Variants in H2BC5 observed in about 807,000 individuals in gnomAD.
H2BC5 encodes histone H2B type 1-D.
In H2BC5, 9 loss-of-function variants were observed where a neutral mutation model predicts 5.7. That is an observed-to-expected ratio of 1.57 (90% confidence interval 0.95 to 2.74). H2BC5 has a LOEUF of 2.74. Ranked by LOEUF, H2BC5 falls within the 30% of genes most tolerant of loss-of-function variation. H2BC5 has a pLI of 0.00. For synonymous variants in H2BC5, 133 were observed against 70.9 expected (o/e 1.88, Z -4.40); for missense variants, 175 against 168.8 (o/e 1.04, Z -0.20).
intron 1 of H2BC5, among the ~76,000 whole-genome samples, chr6:26,165,523 C>T (rs1226075886): frequency 1.3e-5 from 2 of 152,064 alleles, no homozygotes; most frequent in East Asian, 1.9e-4. Flanking sequence ...CCATGAAACC[C>T]CAAGGCCAAG....
downstream of H2BC5, chr6:26,163,387 A>G (rs1561969713): frequency 6.6e-6 from 1 of 152,138 alleles, no homozygotes; most frequent in African/African-American, 2.4e-5. Context: ...TATGTTATCT[A>G]TTGCCGTGTA....
At chr6:26,159,763 G>T (rs1020342603), downstream of H2BC5, among the ~76,000 whole-genome samples, 1 of 152,176 alleles carries the variant, frequency 6.6e-6, no homozygotes, top group Admixed American at 6.5e-5. Context: ...AACACGAAAT[G>T]ATGGATTATG....
At chr6:26,159,246 T>TTG, downstream of H2BC5, among the ~76,000 whole-genome samples, 1 of 97,020 alleles carries the variant, frequency 1.0e-5, no homozygotes. Context: ...TTTATAGGTT[T>TTG]TTTTTTTTTT....
At chr6:26,162,790 T>C (rs1272417261), downstream of H2BC5, among the ~76,000 whole-genome samples, 1 of 152,170 alleles carries the variant, frequency 6.6e-6, no homozygotes, top group Non-Finnish European at 1.5e-5. Context: ...CTGCCCACCA[T>C]GGGGTCCCAA....
downstream of H2BC5, chr6:26,158,788 T>C (rs535634943): frequency 4.6e-6 from 3 of 649,404 alleles, no homozygotes; most frequent in Non-Finnish European, 7.9e-6. Flanking sequence ...GTTAGCTCAT[T>C]TAGTATCACA....
At chr6:26,162,141 C>T (rs1486588816), downstream of H2BC5, among the ~76,000 whole-genome samples, 1 of 152,192 alleles carries the variant, frequency 6.6e-6, no homozygotes, top group Non-Finnish European at 1.5e-5. Flanking sequence ...TACATATTGA[C>T]ATATGACCTC....
chr6:26,163,973 C>A, intron 1 of H2BC5: 1 of 299,578 alleles, frequency 3.3e-6, no homozygotes, highest in Non-Finnish European at 6.7e-6. Context: ...TCACTGAAAT[C>A]TGGCACATAC....
intron 1 of H2BC5, among the ~76,000 whole-genome samples, chr6:26,164,518 A>G (rs1436355843): frequency 1.3e-5 from 2 of 151,988 alleles, no homozygotes; most frequent in Non-Finnish European, 2.9e-5. Context: ...CCTGGACAGG[A>G]GCCTCAACAT....
chr6:26,162,472 G>C (rs976766295), downstream of H2BC5, among the ~76,000 whole-genome samples: 1 of 152,062 alleles, frequency 6.6e-6, no homozygotes, highest in Non-Finnish European at 1.5e-5. Context: ...ATTTATAATT[G>C]CTTTTGTGTG....
At chr6:26,158,737 A>T, downstream of H2BC5, 1 of 974,252 alleles carries the variant, frequency 1.0e-6, no homozygotes, top group Non-Finnish European at 1.5e-6. Context: ...GGGAATAACA[A>T]TAGGTACTAG....
chr6:26,170,894 G>A lies in H2BC5; in HGVS notation c.*10-81G>A, dbSNP rs373183822. Reference sequence around the variant, plus strand: ...TTCATTATAGAAGCACATGTAGAAAGAATCCTCTTTGTATAGAAAATATTA... The same window carrying A: ...TTCATTATAGAAGCACATGTAGAAAAAATCCTCTTTGTATAGAAAATATTA... On this transcript the variant is annotated intron_variant, in intron 1 of 1. Coordinates refer to the H2BC5 transcript ENST00000289316. 4.6e-5 allele frequency: 7 copies of A among 152,318 alleles called. No individual in the cohort carries two copies. The East Asian group carries it at 1.3e-3, about 29-fold the overall frequency. The allele number at this position is 152,318 out of a possible 1,614,324, so 9.4% of individuals were successfully genotyped here.
At chr6:26,163,145 G>A (rs371176255), downstream of H2BC5, among the ~76,000 whole-genome samples, 121 of 147,714 alleles carry the variant, frequency 8.2e-4, no homozygotes, top group African/African-American at 2.3e-3. Flanking sequence ...ATTTAGTCTC[G>A]CTCTGTCACC....
intron 1 of H2BC5, among the ~76,000 whole-genome samples, chr6:26,166,674 A>C (rs1395974452): frequency 6.8e-6 from 1 of 146,936 alleles, no homozygotes; most frequent in African/African-American, 2.5e-5. Context: ...CGGCACGAGC[A>C]GAGGGGGATA....
chr6:26,160,513 T>TG (rs1383632857), downstream of H2BC5, among the ~76,000 whole-genome samples: 2 of 82,782 alleles, frequency 2.4e-5, no homozygotes, highest in East Asian at 3.2e-4. Flanking sequence ...ATCCTGTCTC[T>TG]GAAAAAAAAA....
chr6:26,159,661 T>G (rs1764320901), downstream of H2BC5, among the ~76,000 whole-genome samples: 1 of 152,072 alleles, frequency 6.6e-6, no homozygotes, highest in Non-Finnish European at 1.5e-5. Flanking sequence ...GAGTCAAATG[T>G]TGGCTGAGAG....
downstream of H2BC5, chr6:26,160,856 G>A (rs1188214974): frequency 1.4e-5 from 2 of 139,666 alleles, no homozygotes; most frequent in African/African-American, 2.7e-5. Flanking sequence ...GCCACAGAAT[G>A]AGACTCTGTC....
Position 26,165,175 on chromosome 6 carries a change from T to C in H2BC5, c.*10-5800T>C, listed in dbSNP as rs185673497. 2.0e-5 allele frequency among the ~76,000 whole-genome samples: 3 copies of C among 152,278 alleles called. No individual in the cohort carries two copies. The East Asian group carries it at 5.8e-4, about 29-fold the overall frequency. On this transcript the variant is annotated intron_variant, in intron 1 of 1. Transcript: ENST00000289316. The stretch of plus-strand genomic sequence containing the variant: ...CCCCTTGGATTTTTGTTTTTGGAAA[T>C]ATTTTTAAGTTGCCTTATTGTGGAG...
At chr6:26,159,258 T>A (rs1375432116), downstream of H2BC5, among the ~76,000 whole-genome samples, 1 of 141,698 alleles carries the variant, frequency 7.1e-6, no homozygotes, top group East Asian at 2.1e-4. Context: ...TTTTTTTTTT[T>A]TTTTTTTTTT....
chr6:26,159,706 T>C (rs1283911533), downstream of H2BC5, among the ~76,000 whole-genome samples: 1 of 152,144 alleles, frequency 6.6e-6, no homozygotes, highest in Non-Finnish European at 1.5e-5. Flanking sequence ...GATCATTGTC[T>C]AAAAGAGGAA....
Sources: allele counts gnomAD v4.1 joint callset (sites outside exome capture counted in the v4.1 genomes callset), GRCh38; gene constraint gnomAD v4.1.1; transcripts MANE v1.5; gene names NCBI Gene and HGNC (gene_info 2026-07-23, HGNC 2026-07-21).